CDH18: variants seen among roughly 807,000 people sequenced by gnomAD.
The protein encoded by CDH18 is cadherin-18.
In CDH18, 31 loss-of-function variants were observed where a neutral mutation model predicts 67.9. The observed-to-expected ratio is 0.46, with a 90% confidence interval of 0.34 to 0.62. CDH18 has a LOEUF of 0.62. Among genes scored for constraint, CDH18 ranks in the 20% least tolerant of loss-of-function variants. The probability of loss-of-function intolerance (pLI) is 0.01; values close to 1 mark genes in which losing one functional copy is unlikely to be tolerated. For missense variants in CDH18, 890 were observed against 975.5 expected (o/e 0.91, Z 1.17); for synonymous variants, 362 against 347.2 (o/e 1.04, Z -0.48).
At chr5:19,537,093 G>C (rs888355545) in intron 9 of CDH18, among the ~76,000 whole-genome samples, 8 of 152,142 alleles carry the variant, frequency 5.3e-5, no homozygotes, top group African/African-American at 1.9e-4. Context: ...TTTTGGATGA[G>C]ATTAGCATTT....
At chr5:19,877,327 G>A (rs764727368) in intron 2 of CDH18, among the ~76,000 whole-genome samples, 2 of 152,132 alleles carry the variant, frequency 1.3e-5, no homozygotes, top group Non-Finnish European at 2.9e-5. Flanking sequence ...GTACTTTACA[G>A]TATGCTTTGA....
At chr5:19,753,030 C>T (rs1035844989) in intron 3 of CDH18, among the ~76,000 whole-genome samples, 14 of 152,168 alleles carry the variant, frequency 9.2e-5, no homozygotes, top group African/African-American at 3.1e-4. Flanking sequence ...AATCTAACCA[C>T]AGCCTTCAGC....
intron 2 of CDH18, among the ~76,000 whole-genome samples, chr5:19,936,426 A>T (rs1047095219): frequency 2.0e-5 from 3 of 151,274 alleles, no homozygotes; most frequent in Non-Finnish European, 4.4e-5. Context: ...TTTAACCTGA[A>T]CTACTCTGAA....
intron 5 of CDH18, among the ~76,000 whole-genome samples, chr5:19,665,744 G>C (rs1287996240): frequency 6.6e-6 from 1 of 152,052 alleles, no homozygotes; most frequent in Admixed American, 6.6e-5. Flanking sequence ...AGAGAAGTGT[G>C]AGGAAGTTGA....
At chr5:19,834,991 T>C (rs760539298) in intron 3 of CDH18, among the ~76,000 whole-genome samples, 12 of 152,124 alleles carry the variant, frequency 7.9e-5, no homozygotes, top group Non-Finnish European at 1.5e-4. Flanking sequence ...GAATTAGAAA[T>C]ACCAGTTGAC....
At chr5:19,973,080 G>A (rs1798178844) in intron 2 of CDH18, among the ~76,000 whole-genome samples, 1 of 151,818 alleles carries the variant, frequency 6.6e-6, no homozygotes, top group South Asian at 2.1e-4. Flanking sequence ...TTATAAAATG[G>A]AATAATCTAC....
chr5:20,544,055 T>C (rs1757201050), intron 1 of CDH18, among the ~76,000 whole-genome samples: 1 of 152,214 alleles, frequency 6.6e-6, no homozygotes. Context: ...TACTTGATTC[T>C]GAATGATCAA....
chr5:19,709,229 T>C (rs1764380399), intron 5 of CDH18, among the ~76,000 whole-genome samples: 1 of 152,058 alleles, frequency 6.6e-6, no homozygotes, highest in South Asian at 2.1e-4. Context: ...AACTTTCTTC[T>C]GATACTGCAT....
At position 20,304,109 on chromosome 5, in the gene CDH18, C is replaced by G; in HGVS notation, c.-579-48604G>C. 3.1e-6 allele frequency: 5 copies of G among 1,610,010 alleles called. No homozygotes were observed. The South Asian group carries it at 5.5e-5, about 18-fold the overall frequency. On this transcript the variant is annotated intron_variant, in intron 1 of 14. Transcript: ENST00000507958. ...GTCTGCATCCTCGCTGGTGTTTACC[C>G]GAATCAACATGGTGACTGGCATGGT...
At chr5:19,536,547 C>G (rs1749449041) in intron 9 of CDH18, among the ~76,000 whole-genome samples, 1 of 152,090 alleles carries the variant, frequency 6.6e-6, no homozygotes, top group Non-Finnish European at 1.5e-5. Flanking sequence ...GAAATGTGTA[C>G]GTATCTCTGT....
In CDH18 at chr5:20,545,789, C is replaced by A. The variant is rs558173841; in HGVS notation, c.-580+29673G>T. Among the ~76,000 whole-genome samples, 3 of 152,314 alleles carry A rather than the reference C, an allele frequency of 2.0e-5. No homozygotes were observed. The East Asian group carries it at 5.8e-4, about 30-fold the overall frequency. ...CATTGTCTTGGCTATTAACATTCAG[C>A]TCTCATTACTTAAGCAAATTTCTGG... On this transcript the variant is annotated intron_variant, in intron 1 of 14. Transcript: ENST00000507958.
intron 2 of CDH18, among the ~76,000 whole-genome samples, chr5:20,005,961 A>G (rs1736869751): frequency 6.6e-6 from 1 of 152,008 alleles, no homozygotes. Flanking sequence ...AAGAGATAGA[A>G]TTCCTTATGG....
intron 1 of CDH18, among the ~76,000 whole-genome samples, chr5:20,536,633 C>T (rs1581167087): frequency 6.6e-6 from 1 of 152,064 alleles, no homozygotes; most frequent in South Asian, 2.1e-4. Context: ...GTCAGTTAGC[C>T]TATGGCACTA....
At chr5:19,619,294 G>A (rs945282502) in intron 5 of CDH18, among the ~76,000 whole-genome samples, 5 of 152,154 alleles carry the variant, frequency 3.3e-5, no homozygotes, top group Non-Finnish European at 7.3e-5. Context: ...GAAATGCTAT[G>A]ATTAGAATGT....
chr5:19,530,176 T>C (rs1413275254), intron 9 of CDH18, among the ~76,000 whole-genome samples: 1 of 152,084 alleles, frequency 6.6e-6, no homozygotes, highest in Non-Finnish European at 1.5e-5. Context: ...AACAATTAAT[T>C]GAGAAAATGA....
intron 3 of CDH18, among the ~76,000 whole-genome samples, chr5:19,778,954 G>A (rs913306886): frequency 6.6e-5 from 10 of 152,076 alleles, no homozygotes; most frequent in Admixed American, 2.0e-4. Context: ...TTACTGGCCA[G>A]GAAGGATATT....
At chr5:20,001,820 T>C (rs796800235) in intron 2 of CDH18, among the ~76,000 whole-genome samples, 36 of 152,280 alleles carry the variant, frequency 2.4e-4, no homozygotes, top group African/African-American at 8.4e-4. Context: ...TTTAAATTCA[T>C]TGTTCTGCTC....
intron 5 of CDH18, among the ~76,000 whole-genome samples, chr5:19,642,497 G>T (rs1754150741): frequency 6.6e-6 from 1 of 151,978 alleles, no homozygotes; most frequent in Admixed American, 6.6e-5. Flanking sequence ...CAATGGAACT[G>T]AATAGAGAGC....
intron 1 of CDH18, among the ~76,000 whole-genome samples, chr5:20,469,252 T>G (rs1751879626): frequency 6.6e-6 from 1 of 152,208 alleles, no homozygotes; most frequent in South Asian, 2.1e-4. Context: ...TTGGCACTAC[T>G]GCTCCGGAAT....
Sources: gnomAD v4.1 joint callset for allele counts (sites outside exome capture counted in the v4.1 genomes callset) on GRCh38, gnomAD v4.1.1 for gene constraint, MANE v1.5 for transcripts, NCBI Gene and HGNC (gene_info 2026-07-23, HGNC 2026-07-21) for gene names.